Variants in CLEC16A observed in about 807,000 individuals in gnomAD.
The protein encoded by CLEC16A is protein CLEC16A.
Under a neutral mutation model 109.5 loss-of-function variants are expected in CLEC16A, and 51 were observed. That is an observed-to-expected ratio of 0.47 (90% CI 0.37 to 0.59). The LOEUF is 0.59. CLEC16A is among the 20% of genes least tolerant of loss of function. CLEC16A has a pLI of 0.00. For missense variants in CLEC16A, 1,339 were observed against 1,394.0 expected (o/e 0.96, Z 0.63); for synonymous variants, 673 against 564.2 (o/e 1.19, Z -2.73).
At chr16:11,145,949 C>G (rs1164809907) in intron 22 of CLEC16A, among the ~76,000 whole-genome samples, 2 of 152,220 alleles carry the variant, frequency 1.3e-5, no homozygotes, top group Non-Finnish European at 2.9e-5. Context: ...CTGACACTAA[C>G]CTCACCCCCG....
intron 23 of CLEC16A, among the ~76,000 whole-genome samples, chr16:11,172,960 T>C (rs551507152): frequency 4.1e-4 from 63 of 152,208 alleles, no homozygotes; most frequent in African/African-American, 1.5e-3. Flanking sequence ...TGAGGTTTTA[T>C]AGAAAGAAAG....
Position 11,179,853 on chromosome 16 carries a change from G to A in CLEC16A, c.*1163G>A. The A allele has an allele frequency of 6.6e-6, 1 of 152,332 alleles. No homozygotes were observed. Among genetic ancestry groups the A allele is most frequent in the East Asian group, 1.9e-4 (1 of 5,200 alleles). 9.4% of individuals were successfully genotyped at this position (152,332 alleles called of 1,614,324 possible). On this transcript the variant is annotated 3_prime_UTR_variant, in exon 24 of 24. Transcript: ENST00000409790. Reference sequence around the variant, plus strand: ...GCTGATCTGAATATGGAAACCCCATGGTTCCCTTCCCCATTCGGACTGGGT... The same window carrying A: ...GCTGATCTGAATATGGAAACCCCATAGTTCCCTTCCCCATTCGGACTGGGT...
intron 12 of CLEC16A, 62 bp from the exon 13 acceptor site, chr16:11,024,759 G>A (rs1328716828): frequency 1.5e-6 from 2 of 1,301,888 alleles, no homozygotes; most frequent in East Asian, 2.5e-5. Flanking sequence ...GTGCAGGTTA[G>A]AGAGGGGAGG....
chr16:10,978,277 C>G (rs1295087628), intron 8 of CLEC16A, among the ~76,000 whole-genome samples: 2 of 152,190 alleles, frequency 1.3e-5, no homozygotes, highest in African/African-American at 4.8e-5. Context: ...CTCAGGGCCC[C>G]CCTGTGAGGA....
chr16:11,013,032 A>G (rs1486451063), intron 11 of CLEC16A, among the ~76,000 whole-genome samples: 3 of 152,176 alleles, frequency 2.0e-5, no homozygotes, highest in Non-Finnish European at 4.4e-5. Context: ...ACACTCACTC[A>G]GACTGCGCCT....
chr16:11,149,211 C>T (rs1257562336), intron 22 of CLEC16A, among the ~76,000 whole-genome samples: 1 of 152,014 alleles, frequency 6.6e-6, no homozygotes, highest in Non-Finnish European at 1.5e-5. Flanking sequence ...GGGACTTGAC[C>T]CCATGGGGTC....
chr16:11,161,232 G>T (rs575097257), intron 22 of CLEC16A, among the ~76,000 whole-genome samples: 1 of 152,274 alleles, frequency 6.6e-6, no homozygotes, highest in African/African-American at 2.4e-5. Flanking sequence ...CTTATGCCCT[G>T]CTTAGGTAGG....
At chr16:11,029,706 G>T (rs1246662170) in intron 13 of CLEC16A, among the ~76,000 whole-genome samples, 1 of 152,162 alleles carries the variant, frequency 6.6e-6, no homozygotes, top group Non-Finnish European at 1.5e-5. Flanking sequence ...ATCTTGGCCA[G>T]AAGCATAGCA....
At chr16:10,992,835 A>G (rs1433193278) in intron 10 of CLEC16A, among the ~76,000 whole-genome samples, 1 of 152,118 alleles carries the variant, frequency 6.6e-6, no homozygotes, top group Admixed American at 6.5e-5. Context: ...TAAGATTTGG[A>G]TATGGGAAGG....
chr16:10,977,345 G>C lies in CLEC16A; in HGVS notation c.849G>C (p.Leu283=), dbSNP rs1261305901. The C allele has an allele frequency of 1.2e-6, 2 of 1,613,830 alleles. No individual in the cohort carries two copies. The highest frequency in any genetic ancestry group is 2.7e-5 in the African/African-American group (2 of 74,918). ...EFLNDVLTDH[L]LNRLFLPLYV... The stretch of plus-strand genomic sequence containing the variant: ...TCAACGATGTGCTCACTGACCACCT[G>C]CTCAACAGGCTCTTCCTGCCCCTCT... The change falls in exon 8 of 24, where the codon CTG becomes CTC. Residue 283 remains leucine, a synonymous_variant. Coordinates refer to ENST00000409790, the MANE Select transcript of CLEC16A (RefSeq NM_015226.3).
intron 1 of CLEC16A, among the ~76,000 whole-genome samples, chr16:10,953,211 A>G (rs2041821150): frequency 6.6e-6 from 1 of 152,264 alleles, no homozygotes; most frequent in South Asian, 2.1e-4. Flanking sequence ...TGGAGTATCC[A>G]GAATGAGACC....
chr16:11,127,597 G>T (rs1475924754), intron 22 of CLEC16A, among the ~76,000 whole-genome samples: 2 of 152,228 alleles, frequency 1.3e-5, no homozygotes, highest in African/African-American at 4.8e-5. Context: ...GCTGGGCATG[G>T]CGGCTCATGC....
intron 19 of CLEC16A, among the ~76,000 whole-genome samples, chr16:11,113,064 G>A (rs941977000): frequency 6.6e-6 from 1 of 152,244 alleles, no homozygotes; most frequent in Non-Finnish European, 1.5e-5. Flanking sequence ...GGACACCAGA[G>A]CTCTTGAACT....
intron 13 of CLEC16A, among the ~76,000 whole-genome samples, chr16:11,038,880 C>T (rs890212010): frequency 3.9e-5 from 6 of 152,146 alleles, no homozygotes; most frequent in African/African-American, 1.4e-4. Flanking sequence ...CTGCTAATGT[C>T]ACCCTCAGGG....
chr16:11,103,915 G>C (rs1174158021), intron 19 of CLEC16A, among the ~76,000 whole-genome samples: 2 of 152,346 alleles, frequency 1.3e-5, no homozygotes, highest in South Asian at 4.1e-4. Flanking sequence ...GAGAATCTGG[G>C]TTGGATGTTA....
chr16:11,120,790 A>G, intron 20 of CLEC16A, 24 bp downstream of exon 20: 3 of 1,488,738 alleles, frequency 2.0e-6, no homozygotes, highest in Non-Finnish European at 2.7e-6. Flanking sequence ...GAGCTCTGGG[A>G]TCTGTTCTCA....
intron 11 of CLEC16A, among the ~76,000 whole-genome samples, chr16:11,018,475 C>T (rs1597068503): frequency 6.8e-6 from 1 of 146,138 alleles, no homozygotes; most frequent in African/African-American, 2.5e-5. Context: ...TTGGGCCAGG[C>T]GCGGTAGCTC....
chr16:11,078,205 G>A (rs2049499449), intron 19 of CLEC16A, among the ~76,000 whole-genome samples: 1 of 151,460 alleles, frequency 6.6e-6, no homozygotes, highest in African/African-American at 2.4e-5. Flanking sequence ...CGAAGGCCCT[G>A]TGGTTTCTGG....
chr16:11,039,489 C>CA (rs1290456556), intron 13 of CLEC16A, among the ~76,000 whole-genome samples: 1 of 152,122 alleles, frequency 6.6e-6, no homozygotes, highest in Non-Finnish European at 1.5e-5. Flanking sequence ...CAAGAGGGGA[C>CA]AGGCGCAGTG....
Sources: gnomAD v4.1 joint callset for allele counts (sites outside exome capture counted in the v4.1 genomes callset) on GRCh38, gnomAD v4.1.1 for gene constraint, MANE v1.5 for transcripts, NCBI Gene and HGNC (gene_info 2026-07-23, HGNC 2026-07-21) for gene names.